Variants in CRTAC1 observed in about 807,000 individuals in gnomAD.
The protein encoded by CRTAC1 is cartilage acidic protein 1.
A neutral mutation model predicts 67.8 loss-of-function variants in CRTAC1; 37 were observed. That is an observed-to-expected ratio of 0.55 (90% CI 0.42 to 0.72). The LOEUF is 0.72. CRTAC1 is among the 30% of genes least tolerant of loss of function. The probability of loss-of-function intolerance (pLI) is 0.00; values close to 1 mark genes in which losing one functional copy is unlikely to be tolerated. For synonymous variants in CRTAC1, 348 were observed against 371.0 expected (o/e 0.94, Z 0.71); for missense variants, 780 against 931.6 (o/e 0.84, Z 2.12).
intron 2 of CRTAC1, among the ~76,000 whole-genome samples, chr10:97,961,916 C>T (rs1207511518): frequency 1.3e-5 from 2 of 152,194 alleles, no homozygotes; most frequent in African/African-American, 4.8e-5. Context: ...TTAACAGTAA[C>T]TGGTGAGTTT....
At chr10:97,983,653 C>T (rs939341138) in intron 2 of CRTAC1, among the ~76,000 whole-genome samples, 3 of 152,192 alleles carry the variant, frequency 2.0e-5, no homozygotes, top group Non-Finnish European at 2.9e-5. Context: ...TTCCTTGTGT[C>T]TGAAAGTAGA....
chr10:97,906,436 G>A (rs933090531), intron 6 of CRTAC1, among the ~76,000 whole-genome samples: 1 of 152,120 alleles, frequency 6.6e-6, no homozygotes, highest in Admixed American at 6.6e-5. Flanking sequence ...CTCTTGACAT[G>A]TCTTGTTAAA....
At chr10:97,879,297 A>G (rs1322221010) in intron 14 of CRTAC1, among the ~76,000 whole-genome samples, 1 of 152,204 alleles carries the variant, frequency 6.6e-6, no homozygotes, top group Non-Finnish European at 1.5e-5. Flanking sequence ...CCAAACCAGC[A>G]GGCACATGGT....
At chr10:98,027,888 G>A (rs1843271159) in intron 1 of CRTAC1, among the ~76,000 whole-genome samples, 1 of 152,184 alleles carries the variant, frequency 6.6e-6, no homozygotes, top group Non-Finnish European at 1.5e-5. Flanking sequence ...ATCGAGCAGT[G>A]GGAATCCTAG....
At chr10:97,920,681 G>T (rs11189434) in intron 4 of CRTAC1, among the ~76,000 whole-genome samples, 11,020 of 152,270 alleles carry the variant, frequency 0.072, 511 homozygotes, top group African/African-American at 0.12. Flanking sequence ...TCTAGGGCCT[G>T]CCCCTAACTG....
chr10:97,952,485 T>A (rs575989822), intron 2 of CRTAC1, among the ~76,000 whole-genome samples: 1 of 132,964 alleles, frequency 7.5e-6, no homozygotes, highest in Admixed American at 8.7e-5. Flanking sequence ...TTGTATTGAG[T>A]CAAGATCATG....
chr10:97,948,872 C>T (rs1269041271), intron 2 of CRTAC1, among the ~76,000 whole-genome samples: 1 of 152,138 alleles, frequency 6.6e-6, no homozygotes, highest in East Asian at 1.9e-4. Flanking sequence ...CTTCACATGG[C>T]GTCAGGAGAG....
At chr10:98,016,409 G>A (rs141345688) in intron 1 of CRTAC1, among the ~76,000 whole-genome samples, 92 of 152,228 alleles carry the variant, frequency 6.0e-4, no homozygotes, top group African/African-American at 2.1e-3. Flanking sequence ...TTTAAAAGCC[G>A]TTCTTCCTCT....
chr10:97,902,478 C>A (rs771121542), intron 7 of CRTAC1, among the ~76,000 whole-genome samples: 4 of 152,142 alleles, frequency 2.6e-5, no homozygotes, highest in Admixed American at 6.5e-5. Context: ...ATGGGGAGAC[C>A]CCAGGCCCAG....
chr10:97,903,515 C>T (rs367644795), intron 7 of CRTAC1, among the ~76,000 whole-genome samples: 16 of 151,914 alleles, frequency 1.1e-4, no homozygotes, highest in Middle Eastern at 3.4e-3. Flanking sequence ...GTGGCTGGGC[C>T]TGGGCGTCCC....
At chr10:97,976,749 G>A (rs1044519103) in intron 2 of CRTAC1, among the ~76,000 whole-genome samples, 6 of 152,194 alleles carry the variant, frequency 3.9e-5, no homozygotes, top group African/African-American at 1.2e-4. Context: ...AGAATTTATC[G>A]CATTCTATTT....
At chr10:97,997,977 G>C (rs1037256694) in intron 2 of CRTAC1, among the ~76,000 whole-genome samples, 1 of 152,154 alleles carries the variant, frequency 6.6e-6, no homozygotes, top group Non-Finnish European at 1.5e-5. Flanking sequence ...GGAAAGACTT[G>C]CTTTTTTTTT....
intron 11 of CRTAC1, among the ~76,000 whole-genome samples, chr10:97,887,441 C>T (rs1490104594): frequency 6.6e-6 from 1 of 152,096 alleles, no homozygotes; most frequent in African/African-American, 2.4e-5. Context: ...TGGGGTTTCT[C>T]CATGTTGGTC....
At chr10:97,945,802 G>A (rs1299469132) in intron 2 of CRTAC1, among the ~76,000 whole-genome samples, 1 of 152,202 alleles carries the variant, frequency 6.6e-6, no homozygotes, top group African/African-American at 2.4e-5. Flanking sequence ...GTCCTAAGGG[G>A]CAGATGGTTT....
At chr10:97,996,536 A>C (rs1316752325) in intron 2 of CRTAC1, among the ~76,000 whole-genome samples, 1 of 152,148 alleles carries the variant, frequency 6.6e-6, no homozygotes, top group Non-Finnish European at 1.5e-5. Context: ...ACAATGAGAT[A>C]CCATCTCACA....
chr10:97,985,198 C>T (rs189095532), intron 2 of CRTAC1, among the ~76,000 whole-genome samples: 1 of 152,126 alleles, frequency 6.6e-6, no homozygotes, highest in Non-Finnish European at 1.5e-5. Context: ...ATGCTAGGCA[C>T]CAAAAAATGA....
intron 11 of CRTAC1, among the ~76,000 whole-genome samples, chr10:97,886,088 G>A (rs985643299): frequency 6.6e-6 from 1 of 152,174 alleles, no homozygotes; most frequent in Non-Finnish European, 1.5e-5. Flanking sequence ...ATGCAGACTT[G>A]GAGGAGAATC....
intron 5 of CRTAC1, among the ~76,000 whole-genome samples, chr10:97,908,925 C>A (rs1291219518): frequency 1.3e-5 from 2 of 152,176 alleles, no homozygotes; most frequent in African/African-American, 2.4e-5. Flanking sequence ...GGCCGCACCC[C>A]AAGCTGTGAA....
At chr10:97,944,700 G>A (rs895030930) in intron 2 of CRTAC1, among the ~76,000 whole-genome samples, 4 of 152,136 alleles carry the variant, frequency 2.6e-5, no homozygotes, top group East Asian at 1.9e-4. Context: ...TGCAGAAGAC[G>A]GTGGAAGTGA....
Sources: allele counts gnomAD v4.1 joint callset (sites outside exome capture counted in the v4.1 genomes callset), GRCh38; gene constraint gnomAD v4.1.1; transcripts MANE v1.5; gene names NCBI Gene and HGNC (gene_info 2026-07-23, HGNC 2026-07-21).